FAM186A: variants seen among roughly 807,000 people sequenced by gnomAD.
The protein encoded by FAM186A is protein FAM186A.
In FAM186A, 163 loss-of-function variants were observed where a neutral mutation model predicts 216.8. The observed-to-expected ratio is 0.75, with a 90% CI of 0.66 to 0.86. The LOEUF is 0.86. FAM186A is among the 40% of genes least tolerant of loss of function. The pLI is 0.00. For missense variants in FAM186A, 2,184 were observed against 2,746.2 expected, an observed-to-expected ratio of 0.80 and a Z score of 4.58; for synonymous variants, 805 against 1,025.3, an observed-to-expected ratio of 0.79 and a Z score of 4.10.
intron 1 of FAM186A, among the ~76,000 whole-genome samples, chr12:50,384,062 G>A (rs1258455098): frequency 1.3e-5 from 2 of 152,038 alleles, no homozygotes; most frequent in Non-Finnish European, 2.9e-5. Context: ...AGGTTGCAGT[G>A]AGTTGAGATC....
chr12:50,348,105 C>T (rs1360165210), intron 4 of FAM186A, among the ~76,000 whole-genome samples: 1 of 133,576 alleles, frequency 7.5e-6, no homozygotes, highest in Non-Finnish European at 1.5e-5. Flanking sequence ...AGTGCAATGG[C>T]GCAATCTCTG....
At position 50,387,961 on chromosome 12, in the gene FAM186A, A is replaced by G. The variant is rs559840038; in HGVS notation, c.192+8332T>C. Among the ~76,000 whole-genome samples, 7 of 152,076 alleles carry G rather than the reference A, an allele frequency of 4.6e-5. No individual in the cohort carries two copies. The East Asian group carries it at 7.7e-4, about 17-fold the overall frequency. ...GTGATTTCTTCTTAACTCCTATATCACTTTCATATTCTCTCTGGGCACACC... is the reference window on the plus strand; with the variant it reads ...GTGATTTCTTCTTAACTCCTATATCGCTTTCATATTCTCTCTGGGCACACC... On this transcript the variant is annotated intron_variant, in intron 1 of 7. Transcript: ENST00000327337.
chr12:50,369,030 A>T (rs993494202), intron 1 of FAM186A, among the ~76,000 whole-genome samples: 10 of 151,974 alleles, frequency 6.6e-5, no homozygotes, highest in Non-Finnish European at 1.0e-4. Context: ...GAAAGAATGA[A>T]GTTGGATCCT....
Position 50,353,875 on chromosome 12 carries a change from T to C in FAM186A, c.2957A>G (p.Asp986Gly). 1 of 1,551,876 alleles carries C rather than the reference T, an allele frequency of 6.4e-7. No individual in the cohort carries two copies. Among genetic ancestry groups the C allele is most frequent in the Non-Finnish European group, 8.7e-7 (1 of 1,147,056 alleles). ...EDLERQIKTK[D>G]QMQMKETQPK... ...TTGTGTTTCCTTCATCTGCATCTGA[T>C]CCTTTGTTTTGATCTGCCTTTCGAG... The change falls in exon 4 of 8, where the codon GAT becomes GGT. Residue 986 changes from aspartate to glycine, a missense_variant. Coordinates refer to ENST00000327337, the MANE Select transcript of FAM186A (RefSeq NM_001145475.3).
rs1942949073 is a variant in FAM186A at position 50,354,386 on chromosome 12, TGTG to T, written c.2443_2445del (p.His815del). ...TCCTGCCTTTGTTTTTCCTTCTCCT[TGTG>T]GTCTTTCTGTACTGTTGAGACTGTT... On this transcript the variant is annotated inframe_deletion, in exon 4 of 8. Transcript: ENST00000327337. The T allele has an allele frequency of 1.6e-5, 25 of 1,551,486 alleles. 1 individual carries two copies. The highest frequency in any genetic ancestry group is 2.1e-5 in the Non-Finnish European group (24 of 1,147,012).
In FAM186A at chr12:50,394,129, A is replaced by C. The variant is rs575620525; in HGVS notation, c.192+2164T>G. 3.3e-5 allele frequency among the ~76,000 whole-genome samples: 5 copies of C among 152,144 alleles called. No homozygotes were observed. The South Asian group carries it at 1.0e-3, about 32-fold the overall frequency. Reference sequence around the variant, plus strand: ...GAGACCGGGTTTCACCATATTGGCCAGTTGGTCTTGAAATCCTGAGCTCAA... The same window carrying C: ...GAGACCGGGTTTCACCATATTGGCCCGTTGGTCTTGAAATCCTGAGCTCAA... On this transcript the variant is annotated intron_variant, in intron 1 of 7. Coordinates refer to ENST00000327337, the MANE Select transcript of FAM186A (RefSeq NM_001145475.3).
In FAM186A at chr12:50,372,921, A is replaced by AAAAG. The variant is rs1234341699; in HGVS notation, c.193-9561_193-9558dup. The stretch of plus-strand genomic sequence containing the variant: ...TCCGTCTAAAAAAAAAAAAAAAGAA[A>AAAAG]AAAGAAAGAAAGAAGGAAGGAAGGA... On this transcript the variant is annotated intron_variant, in intron 1 of 7. Coordinates refer to ENST00000327337, the MANE Select transcript of FAM186A (RefSeq NM_001145475.3). Among the ~76,000 whole-genome samples the AAAAG allele has an allele frequency of 2.7e-5, 4 of 147,704 alleles. No homozygotes were observed. The South Asian group carries it at 8.7e-4, about 32-fold the overall frequency.
chr12:50,380,892 C>T (rs886429068), intron 1 of FAM186A, among the ~76,000 whole-genome samples: 21 of 152,128 alleles, frequency 1.4e-4, no homozygotes, highest in African/African-American at 4.3e-4. Context: ...CATGGAGTGG[C>T]GAGGGGTATG....
intron 1 of FAM186A, among the ~76,000 whole-genome samples, chr12:50,370,110 C>A (rs1232479708): frequency 6.5e-5 from 7 of 108,080 alleles, no homozygotes; most frequent in Admixed American, 1.4e-4. Flanking sequence ...GGCGACAGAG[C>A]GAGACTCCAT....
chr12:50,327,728 C>G lies in FAM186A; in HGVS notation c.7035-324G>C, dbSNP rs372148706. ...GGCTGTTTTTTTTGTACTTTTGGTACAGACTGGGGTCTTGCCATGTTGCCC... is the reference window on the plus strand; with the variant it reads ...GGCTGTTTTTTTTGTACTTTTGGTAGAGACTGGGGTCTTGCCATGTTGCCC... On this transcript the variant is annotated intron_variant, in intron 7 of 7. Transcript: ENST00000327337. Among the ~76,000 whole-genome samples, 12 of 152,044 alleles carry G rather than the reference C, an allele frequency of 7.9e-5. No homozygotes were observed. The South Asian group carries it at 2.1e-3, about 26-fold the overall frequency.
chr12:50,393,510 C>G (rs1943383883), intron 1 of FAM186A, among the ~76,000 whole-genome samples: 1 of 151,232 alleles, frequency 6.6e-6, no homozygotes, highest in Admixed American at 6.6e-5. Flanking sequence ...CCATTGCACT[C>G]CAGCCTGGGT....
rs1187203858 is a variant in FAM186A, at chr12:50,396,403, C to T, written c.82G>A (p.Glu28Lys). ...CIKDSTIMRREPQNILSPLML... is the reference protein window; with the variant it reads ...CIKDSTIMRRKPQNILSPLML... ...AAAGGACTAAGGATATTTTGGGGCT[C>T]TCTTCTCATGATGGTGGAATCCTTG... The change falls in exon 1 of 8, where the codon GAG becomes AAG. Residue 28 changes from glutamate to lysine, a missense_variant. Physicochemically the swap from Glu to Lys is moderately conservative, Grantham distance 56 (BLOSUM62 1). This residue lies in a region of FAM186A where 1,132 missense variants were observed against 1,263.4 expected (regional missense o/e 0.90). Coordinates refer to ENST00000327337, the MANE Select transcript of FAM186A (RefSeq NM_001145475.3). The T allele has an allele frequency of 6.4e-6, 10 of 1,551,494 alleles. No homozygotes were observed. The highest frequency in any genetic ancestry group is 2.7e-5 in the African/African-American group (2 of 73,018).
chr12:50,363,328 C>T lies in FAM186A; in HGVS notation c.229G>A (p.Val77Met). Residue 77 changes from valine to methionine, a missense_variant, in exon 2 of 8, where the codon GTG (valine) becomes ATG (methionine). Val to Met is a conservative substitution (Grantham distance 21). Around this residue, in one of 7 missense-constraint regions of FAM186A, gnomAD observed 1,132 missense variants for 1,263.4 expected, o/e 0.90. Coordinates refer to ENST00000327337, the MANE Select transcript of FAM186A (RefSeq NM_001145475.3). ...DMQLSEIMNN[V>M]HRIMTRYTLV... ...GTATAGCGAGTCATTATCCGATGCA[C>T]ATTGTTCATTATTTCACTCAGCTGC... 15 of 1,551,116 alleles carry T rather than the reference C, an allele frequency of 9.7e-6. No individual in the cohort carries two copies. The highest frequency in any genetic ancestry group is 1.1e-5 in the Non-Finnish European group (13 of 1,146,904).
At chr12:50,387,216 T>C (rs1241540136) in intron 1 of FAM186A, among the ~76,000 whole-genome samples, 1 of 152,190 alleles carries the variant, frequency 6.6e-6, no homozygotes, top group Non-Finnish European at 1.5e-5. Flanking sequence ...CCTCCAGAAC[T>C]TCTGACCAAT....
At chr12:50,368,044 C>A (rs1304149709) in intron 1 of FAM186A, among the ~76,000 whole-genome samples, 1 of 151,854 alleles carries the variant, frequency 6.6e-6, no homozygotes, top group African/African-American at 2.4e-5. Context: ...ACTCAGGAGG[C>A]TGAGGTGGGA....
chr12:50,352,766 C>A lies in FAM186A; in HGVS notation c.4066G>T (p.Ala1356Ser). Reference protein sequence around the residue: ...ALGMPLTTQQAQELGIPLTPQ... With the variant: ...ALGMPLTTQQSQELGIPLTPQ... ...GTGAGAGGGATCCCCAGTTCCTGAG[C>A]CTGCTGAGTGGTGAGAGGCATCCCC... Residue 1356 changes from alanine to serine, a missense_variant, in exon 4 of 8, where the codon GCT becomes TCT. Coordinates refer to ENST00000327337, the MANE Select transcript of FAM186A (RefSeq NM_001145475.3). 1 of 1,541,754 alleles carries A rather than the reference C, an allele frequency of 6.5e-7. No homozygotes were observed.
chr12:50,354,389 G>A lies in FAM186A; in HGVS notation c.2443C>T (p.His815Tyr), dbSNP rs1942949185. The change falls in exon 4 of 8, where the codon CAC (histidine) becomes TAC (tyrosine). Residue 815 changes from histidine to tyrosine, a missense_variant. Around this residue, in one of 7 missense-constraint regions of FAM186A, gnomAD observed 1,132 missense variants for 1,263.4 expected, o/e 0.90. Coordinates refer to ENST00000327337, the MANE Select transcript of FAM186A (RefSeq NM_001145475.3). ...TGCCTTTGTTTTTCCTTCTCCTTGTGGTCTTTCTGTACTGTTGAGACTGTT... is the reference window on the plus strand; with the variant it reads ...TGCCTTTGTTTTTCCTTCTCCTTGTAGTCTTTCTGTACTGTTGAGACTGTT... Reference protein sequence around the residue: ...IPTVSTVQKDHKEKEKQRQEQ... With the variant: ...IPTVSTVQKDYKEKEKQRQEQ... 6.4e-7 allele frequency: 1 copy of A among 1,551,352 alleles called. No homozygotes were observed. Among genetic ancestry groups the A allele is most frequent in the African/African-American group, 1.4e-5 (1 of 73,106 alleles).
chr12:50,378,504 G>A (rs905128861), intron 1 of FAM186A, among the ~76,000 whole-genome samples: 3 of 150,098 alleles, frequency 2.0e-5, no homozygotes, highest in East Asian at 1.9e-4. Context: ...CACTCCAGCC[G>A]GGGAGACAGA....
At chr12:50,330,805 A>G in intron 6 of FAM186A, 47 bp from the exon 7 acceptor site, 2 of 1,447,164 alleles carry the variant, frequency 1.4e-6, no homozygotes, top group Non-Finnish European at 1.8e-6. Context: ...CCTGAGCTCC[A>G]TAGCCCATCA....
Sources: allele counts gnomAD v4.1 joint callset (sites outside exome capture counted in the v4.1 genomes callset), GRCh38; gene constraint gnomAD v4.1.1; regional missense constraint gnomAD v4.1.1; transcripts MANE v1.5; gene names NCBI Gene and HGNC (gene_info 2026-07-23, HGNC 2026-07-21).